LENG8: variants seen among roughly 807,000 people sequenced by gnomAD.
The protein encoded by LENG8 is leukocyte receptor cluster member 8.
LENG8 carries 28 observed loss-of-function variants against 102.1 expected under a neutral mutation model. The observed-to-expected ratio is 0.27, with a 90% CI of 0.20 to 0.38. The LOEUF (loss-of-function observed/expected upper bound fraction) is 0.38, where lower values mean the gene tolerates loss of function less well. Among genes scored for constraint, LENG8 ranks in the 10% least tolerant of loss-of-function variants. LENG8 has a pLI of 1.00. For synonymous variants in LENG8, 531 were observed against 456.7 expected (o/e 1.16, Z -2.07); for missense variants, 1,022 against 1,113.9 (o/e 0.92, Z 1.17).
chr19:54,460,829 C>T lies in LENG8; in HGVS notation c.2304C>T (p.Ala768=), dbSNP rs1321311542. 6.3e-7 allele frequency: 1 copy of T among 1,579,852 alleles called. No individual in the cohort carries two copies. Among genetic ancestry groups the T allele is most frequent in the East Asian group, 2.4e-5 (1 of 42,438 alleles). Residue 768 remains alanine, a synonymous_variant, in exon 16 of 16, where the codon GCC becomes GCT. Coordinates refer to ENST00000326764, the MANE Select transcript of LENG8 (RefSeq NM_052925.4). ...AGCTGGCCTTCGAGGGCGAGGCCGC[C>T]TGCCGGGCCTTCCTAGAGCCCCTGG... ...QAELAFEGEA[A]CRAFLEPLGL...
In LENG8 at chr19:54,458,427, C is replaced by T. The variant is rs757513843; in HGVS notation, c.2146C>T (p.Arg716Trp). The T allele has an allele frequency of 1.9e-5, 31 of 1,614,152 alleles. No homozygotes were observed. Among genetic ancestry groups the T allele is most frequent in the Non-Finnish European group, 2.5e-5 (29 of 1,180,056 alleles). The change falls in exon 15 of 16, where the codon CGG becomes TGG. Residue 716 changes from arginine (R) to tryptophan (W), a missense_variant. Coordinates refer to ENST00000326764, the MANE Select transcript of LENG8 (RefSeq NM_052925.4). ...WALGNYHRFF[R>W]LYCHAPCMSG... ...CCTGGGCAACTACCACCGCTTTTTCCGGCTCTACTGCCATGCACCCTGCAT... is the reference window on the plus strand; with the variant it reads ...CCTGGGCAACTACCACCGCTTTTTCTGGCTCTACTGCCATGCACCCTGCAT...
chr19:54,456,069 G>A lies in LENG8; in HGVS notation c.1128G>A (p.Gly376=). 1 of 1,610,336 alleles carries A rather than the reference G, an allele frequency of 6.2e-7. No individual in the cohort carries two copies. The highest frequency in any genetic ancestry group is 8.5e-7 in the Non-Finnish European group (1 of 1,177,738). The change falls in exon 9 of 16, where the codon GGG becomes GGA. Residue 376 remains glycine, a synonymous_variant. Transcript: ENST00000326764. The part of the protein sequence containing the change: ...PRGAGSATRG[G]GAPSQRGTPG... ...GGGCAGGCTCGGCGACAAGGGGCGGGGGTGCCCCGTCCCAGCGAGGGACGC... is the reference window on the plus strand; with the variant it reads ...GGGCAGGCTCGGCGACAAGGGGCGGAGGTGCCCCGTCCCAGCGAGGGACGC...
chr19:54,456,257 C>G lies in LENG8; in HGVS notation c.1304+12C>G. On this transcript the variant is annotated intron_variant, in intron 9 of 15. Transcript: ENST00000326764. ...CACTTCCGCAGAAGGTACTGAGGCTCCCGGCTGGGGCTGTGTGTGAGGGAG... is the reference window on the plus strand; with the variant it reads ...CACTTCCGCAGAAGGTACTGAGGCTGCCGGCTGGGGCTGTGTGTGAGGGAG... 6.2e-7 allele frequency: 1 copy of G among 1,614,030 alleles called. No homozygotes were observed. Among genetic ancestry groups the G allele is most frequent in the South Asian group, 1.1e-5 (1 of 91,084 alleles).
rs750379463 is a variant in LENG8, at chr19:54,461,960, C to G, written c.*1032C>G. The G allele has an allele frequency of 9.5e-7, 1 of 1,049,560 alleles. No individual in the cohort carries two copies. Among genetic ancestry groups the G allele is most frequent in the African/African-American group, 1.6e-5 (1 of 63,182 alleles). 65.0% of individuals were successfully genotyped at this position (1,049,560 alleles called of 1,614,324 possible). On this transcript the variant is annotated 3_prime_UTR_variant, in exon 16 of 16. Coordinates refer to ENST00000326764, the MANE Select transcript of LENG8 (RefSeq NM_052925.4). Reference sequence around the variant, plus strand: ...CCTTCCTTCCTTCCTTTCCTTGGAGCACTGAGCACCATTTGGAAGCTTGAG... The same window carrying G: ...CCTTCCTTCCTTCCTTTCCTTGGAGGACTGAGCACCATTTGGAAGCTTGAG...
In LENG8 at chr19:54,457,985, C is replaced by T. The variant is rs748948838; in HGVS notation, c.1885C>T (p.Arg629Trp). Reference protein sequence around the residue: ...FTVEVYETHARIALEKGDHEE... With the variant: ...FTVEVYETHAWIALEKGDHEE... Reference sequence around the variant, plus strand: ...GGTGGAGGTGTACGAGACCCATGCCCGGATCGCCTTGGAGAAGGTGAGCTG... The same window carrying T: ...GGTGGAGGTGTACGAGACCCATGCCTGGATCGCCTTGGAGAAGGTGAGCTG... The change falls in exon 13 of 16, where the codon CGG (arginine) becomes TGG (tryptophan). Residue 629 changes from arginine (R) to tryptophan (W), a missense_variant. Transcript: ENST00000326764. 6 of 1,613,572 alleles carry T rather than the reference C, an allele frequency of 3.7e-6. No homozygotes were observed. Among genetic ancestry groups the T allele is most frequent in the East Asian group, 2.2e-5 (1 of 44,884 alleles).
intron 3 of LENG8, 27 bp downstream of exon 3, chr19:54,452,294 A>G (rs766614865): frequency 6.3e-7 from 1 of 1,575,980 alleles, no homozygotes; most frequent in Admixed American, 1.8e-5. Flanking sequence ...GGGCTGGGGT[A>G]CCCTGAGCCA....
At chr19:54,455,119 C>A (rs184053459) in intron 7 of LENG8, 27 bp downstream of exon 7, 1 of 1,613,800 alleles carries the variant, frequency 6.2e-7, no homozygotes, top group South Asian at 1.1e-5. Flanking sequence ...TGCCCCGTCG[C>A]AGCCCCACAC....
At position 54,461,272 on chromosome 19, in the gene LENG8, G is replaced by A. The variant is rs1443284131; in HGVS notation, c.*344G>A. On this transcript the variant is annotated 3_prime_UTR_variant, in exon 16 of 16. Transcript: ENST00000326764. ...GAGCTTGCACTCCGGTACCCGACCC[G>A]GCGCCCTGGCCCATCCCATGCCGGG... is the stretch of plus-strand genomic sequence containing the variant. 8.2e-6 allele frequency: 4 copies of A among 489,976 alleles called. No individual in the cohort carries two copies. The highest frequency in any genetic ancestry group is 3.0e-4 in the Middle Eastern group (1 of 3,288). 30.4% of individuals were successfully genotyped at this position (489,976 alleles called of 1,614,324 possible). A position where few individuals can be genotyped will look rare whatever the true frequency, so the allele number is the denominator to read the frequency against.
In LENG8 at chr19:54,456,389, A is replaced by G; in HGVS notation, c.1369A>G (p.Asn457Asp). The G allele has an allele frequency of 1.2e-6, 2 of 1,612,406 alleles. No homozygotes were observed. Among genetic ancestry groups the G allele is most frequent in the Non-Finnish European group, 1.7e-6 (2 of 1,179,944 alleles). ...TGAGTGTCACCCTGTGGGCCGCAGG[A>G]ACCCGCCCCCTAAGGGCCGGGGCGG... Reference protein sequence around the residue: ...GNECHPVGRRNPPPKGRGGRG... With the variant: ...GNECHPVGRRDPPPKGRGGRG... Residue 457 changes from asparagine (N) to aspartate (D), a missense_variant, in exon 10 of 16, where the codon AAC (asparagine) becomes GAC (aspartate). Around this residue, in one of 7 missense-constraint regions of LENG8, gnomAD observed 326 missense variants for 324.5 expected, o/e 1.00. Transcript: ENST00000326764.
chr19:54,458,896 TC>T, intron 15 of LENG8: 1 of 1,545,208 alleles, frequency 6.5e-7, no homozygotes, highest in Non-Finnish European at 8.7e-7. Flanking sequence ...GTCGCTGTGC[TC>T]CCACCATAGA....
At chr19:54,456,280 G>A in intron 9 of LENG8, 35 bp downstream of exon 9, 5 of 1,614,154 alleles carry the variant, frequency 3.1e-6, no homozygotes, top group Admixed American at 1.7e-5. Flanking sequence ...GTGTGTGAGG[G>A]AGGGGGAGGC....
At chr19:54,456,544 G>T in intron 10 of LENG8, 79 bp downstream of exon 10, 3 of 1,532,908 alleles carry the variant, frequency 2.0e-6, no homozygotes, top group Non-Finnish European at 2.6e-6. Flanking sequence ...GAGGAGGAGG[G>T]CCGGACAGGT....
chr19:54,457,359 G>A (rs1955902799), intron 11 of LENG8, among the ~76,000 whole-genome samples: 2 of 152,126 alleles, frequency 1.3e-5, no homozygotes, highest in South Asian at 4.1e-4. Flanking sequence ...CTCTTTTTTT[G>A]GGAGAGAGTC....
At chr19:54,452,587 C>T (rs903426073) in intron 3 of LENG8, 64 bp from the exon 4 acceptor site, 1 of 1,336,670 alleles carries the variant, frequency 7.5e-7, no homozygotes, top group Non-Finnish European at 1.1e-6. Flanking sequence ...ACAGGCTTGC[C>T]CTTTGGGGGC....
At chr19:54,451,077 A>C (rs566419408) in intron 1 of LENG8, among the ~76,000 whole-genome samples, 1 of 151,884 alleles carries the variant, frequency 6.6e-6, no homozygotes, top group East Asian at 1.9e-4. Flanking sequence ...TTCGTTTTCC[A>C]CCTGGAGCTC....
At chr19:54,457,492 C>T (rs1296594178) in intron 11 of LENG8, among the ~76,000 whole-genome samples, 1 of 152,200 alleles carries the variant, frequency 6.6e-6, no homozygotes, top group Non-Finnish European at 1.5e-5. Flanking sequence ...AGGCGTCTGC[C>T]ACTACGCCTG....
Position 54,456,040 on chromosome 19 carries a change from A to C in LENG8, c.1099A>C (p.Arg367=). 6.2e-7 allele frequency: 1 copy of C among 1,612,384 alleles called. No individual in the cohort carries two copies. Among genetic ancestry groups the C allele is most frequent in the Non-Finnish European group, 8.5e-7 (1 of 1,179,028 alleles). Residue 367 remains arginine (R), a synonymous_variant, in exon 9 of 16, where the codon AGA becomes CGA. Coordinates refer to ENST00000326764, the MANE Select transcript of LENG8 (RefSeq NM_052925.4). The stretch of plus-strand genomic sequence containing the variant: ...GGCCGCTAGCAGCCTTCACCCTCCT[A>C]GAGGGGCAGGCTCGGCGACAAGGGG... ...WEAASSLHPP[R]GAGSATRGGG...
intron 2 of LENG8, 106 bp downstream of exon 2, chr19:54,451,488 C>A: frequency 8.8e-7 from 1 of 1,132,878 alleles, no homozygotes; most frequent in Non-Finnish European, 1.3e-6. Context: ...GGAGGTGATG[C>A]CACAATCCCT....
At chr19:54,453,726 A>G (rs771684267) in intron 5 of LENG8, 70 bp downstream of exon 5, 17 of 1,097,014 alleles carry the variant, frequency 1.5e-5, no homozygotes, top group Admixed American at 9.7e-5. Context: ...TGAGCTGTCA[A>G]TGAGGAATGG....
Sources: gnomAD v4.1 joint callset for allele counts (sites outside exome capture counted in the v4.1 genomes callset) on GRCh38, gnomAD v4.1.1 for gene constraint, gnomAD v4.1.1 regional missense constraint, MANE v1.5 for transcripts, NCBI Gene and HGNC (gene_info 2026-07-23, HGNC 2026-07-21) for gene names.